Variants in NR1D2 observed in about 807,000 individuals in gnomAD.
NR1D2 encodes V-erbA-related protein 1-related.
Under a neutral mutation model 52.2 loss-of-function variants are expected in NR1D2, and 25 were observed. The observed-to-expected ratio is 0.48, with a 90% CI of 0.35 to 0.67. The LOEUF is 0.67. Ranked by LOEUF, NR1D2 falls within the 30% of genes least tolerant of loss-of-function variation. The pLI is 0.01. For missense variants in NR1D2, 681 were observed against 707.2 expected (o/e 0.96, Z 0.42); for synonymous variants, 259 against 230.1 (o/e 1.13, Z -1.14).
chr3:23,961,656 A>G (rs778065506), intron 4 of NR1D2, among the ~76,000 whole-genome samples: 2 of 151,898 alleles, frequency 1.3e-5, no homozygotes, highest in African/African-American at 2.4e-5. Context: ...TCAGCCTCCC[A>G]AAGTGCTGTG....
chr3:23,963,918 TG>T (rs1161499002), intron 5 of NR1D2, among the ~76,000 whole-genome samples: 22 of 72,874 alleles, frequency 3.0e-4, no homozygotes, highest in African/African-American at 1.6e-3. Context: ...ATCTTTTTGG[TG>T]TTTTTTTTTT....
intron 6 of NR1D2, among the ~76,000 whole-genome samples, chr3:23,966,485 T>C (rs185312274): frequency 3.3e-5 from 5 of 152,346 alleles, no homozygotes. Flanking sequence ...TGTTGCTGCA[T>C]TGGAATTTTG....
rs17857305 is a variant in NR1D2 at position 23,962,303 on chromosome 3, C to G, written c.844C>G (p.Gln282Glu). The change falls in exon 5 of 8, where the codon CAG (glutamine) becomes GAG (glutamate). Residue 282 changes from glutamine to glutamate, a missense_variant. Transcript: ENST00000312521. ...QENSAESMQP[Q>E]RGERIPKNME... ...AAACTCAGCTGAGAGCATGCAGCCC[C>G]AGAGAGGAGAACGGATTCCCAAGAA... 3 of 1,614,032 alleles carry G rather than the reference C, an allele frequency of 1.9e-6. No homozygotes were observed. The African/African-American group carries it at 4.0e-5, about 22-fold the overall frequency.
intron 4 of NR1D2, among the ~76,000 whole-genome samples, chr3:23,961,422 G>GTAT (rs1253758634): frequency 8.9e-6 from 1 of 112,406 alleles, no homozygotes; most frequent in Non-Finnish European, 1.7e-5. Flanking sequence ...TTAAGATGGA[G>GTAT]TATTGCTCTG....
chr3:23,967,884 A>G lies in NR1D2; in HGVS notation c.1404A>G (p.Lys468=), dbSNP rs1356791565. ...CTGTCACCTTTTTAAGTGGAAAGAA[A>G]TATAGTGTGGATGATTTACACTCAA... ...ERTVTFLSGK[K]YSVDDLHSMG... The change falls in exon 7 of 8, where the codon AAA becomes AAG. Residue 468 remains lysine (K), a synonymous_variant. Transcript: ENST00000312521. The G allele has an allele frequency of 6.2e-7, 1 of 1,614,020 alleles. No individual in the cohort carries two copies. Among genetic ancestry groups the G allele is most frequent in the Non-Finnish European group, 8.5e-7 (1 of 1,179,990 alleles).
chr3:23,953,676 A>G (rs1706005947), intron 1 of NR1D2, among the ~76,000 whole-genome samples: 1 of 152,178 alleles, frequency 6.6e-6, no homozygotes, highest in Non-Finnish European at 1.5e-5. Flanking sequence ...TGTGGGAGCA[A>G]GGGCTGTGAA....
chr3:23,963,554 A>G (rs1428046963), intron 5 of NR1D2: 7 of 204,108 alleles, frequency 3.4e-5, no homozygotes, highest in South Asian at 1.7e-4. Flanking sequence ...GGTTCAAGCA[A>G]TTCTCATGCC....
At position 23,961,964 on chromosome 3, in the gene NR1D2, T is replaced by G; in HGVS notation, c.518-13T>G. 1 of 1,566,990 alleles carries G rather than the reference T, an allele frequency of 6.4e-7. No homozygotes were observed. On this transcript the variant is annotated splice_polypyrimidine_tract_variant and intron_variant, in intron 4 of 7. Coordinates refer to ENST00000312521, the MANE Select transcript of NR1D2 (RefSeq NM_005126.5). Reference sequence around the variant, plus strand: ...TTTAGAATATAGACGTTAAATATCTTTTTCTTCAATAGCTGTTCGGTTTGG... The same window carrying G: ...TTTAGAATATAGACGTTAAATATCTGTTTCTTCAATAGCTGTTCGGTTTGG...
intron 1 of NR1D2, among the ~76,000 whole-genome samples, chr3:23,950,872 T>C (rs1343169477): frequency 2.0e-5 from 3 of 151,666 alleles, no homozygotes; most frequent in Non-Finnish European, 4.4e-5. Flanking sequence ...TCTGCATAGC[T>C]CTAATTTCTT....
In NR1D2 at chr3:23,969,288, AAAAAAC is replaced by A. The variant is rs546764563; in HGVS notation, c.1543+1280_1543+1285del. On this transcript the variant is annotated intron_variant, in intron 7 of 7. Transcript: ENST00000312521. ...GGGTGACAGAGCGAGACTCCGTGTT[AAAAAAC>A]AAAAACAAAAACAACAAAAAAAAAA... Among the ~76,000 whole-genome samples the A allele has an allele frequency of 1.4e-3, 213 of 152,142 alleles. 3 individuals carry two copies. The South Asian group carries it at 0.025, about 18-fold the overall frequency.
Position 23,945,500 on chromosome 3 carries a change from GCGCGGCGCTGAGGCGGCGGC to G in NR1D2, c.-78_-59del. ...CCACCGCTGCTTCCAGCCCGGGGCG[GCGCGGCGCTGAGGCGGCGGC>G]GGCGGCGCTGCCCCCTCTGCGGGAA... On this transcript the variant is annotated 5_prime_UTR_variant, in exon 1 of 8. It removes the in-frame stop codon of an upstream open reading frame in the 5' UTR. Transcript: ENST00000312521. The G allele has an allele frequency of 2.2e-6, 2 of 910,298 alleles. No homozygotes were observed. The highest frequency in any genetic ancestry group is 1.9e-5 in the African/African-American group (1 of 53,088). The allele number at this position is 910,298 out of a possible 1,614,324, so 56.4% of individuals were successfully genotyped here.
rs1230001922 is a variant in NR1D2 at position 23,959,710 on chromosome 3, A to G, written c.412A>G (p.Lys138Glu). The G allele has an allele frequency of 1.2e-6, 2 of 1,613,794 alleles. No individual in the cohort carries two copies. Among genetic ancestry groups the G allele is most frequent in the Non-Finnish European group, 1.7e-6 (2 of 1,179,916 alleles). Reference sequence around the variant, plus strand: ...AAGTATTCAACAAAACATCCAGTACAAGAAGTGCCTGAAGAATGAAAACTG... The same window carrying G: ...AAGTATTCAACAAAACATCCAGTACGAGAAGTGCCTGAAGAATGAAAACTG... ...RRSIQQNIQY[K>E]KCLKNENCSI... Residue 138 changes from lysine (K) to glutamate (E), a missense_variant, in exon 4 of 8, where the codon AAG becomes GAG. Around this residue, in one of 3 missense-constraint regions of NR1D2, gnomAD observed 112 missense variants for 162.3 expected, o/e 0.69. Transcript: ENST00000312521.
rs1388074523 is a variant in NR1D2 at position 23,962,326 on chromosome 3, G to A, written c.867G>A (p.Lys289=). The change falls in exon 5 of 8, where the codon AAG becomes AAA. Residue 289 remains lysine (K), a synonymous_variant. Coordinates refer to ENST00000312521, the MANE Select transcript of NR1D2 (RefSeq NM_005126.5). ...CCCAGAGAGGAGAACGGATTCCCAA[G>A]AACATGGAGCAATATAATTTAAATC... ...MQPQRGERIP[K]NMEQYNLNHD... 3 of 1,614,172 alleles carry A rather than the reference G, an allele frequency of 1.9e-6. No homozygotes were observed. In the South Asian group the frequency reaches 3.3e-5, roughly 18 times the overall value.
At position 23,967,860 on chromosome 3, in the gene NR1D2, T is replaced by C. The variant is rs773472807; in HGVS notation, c.1380T>C (p.Thr460=). 3 of 1,614,164 alleles carry C rather than the reference T, an allele frequency of 1.9e-6. No homozygotes were observed. The South Asian group carries it at 3.3e-5, about 18-fold the overall frequency. The change falls in exon 7 of 8, where the codon ACT becomes ACC. Residue 460 remains threonine (T), a synonymous_variant. Coordinates refer to ENST00000312521, the MANE Select transcript of NR1D2 (RefSeq NM_005126.5). ...CATTATTTGATGCAAAGGAACGTACTGTCACCTTTTTAAGTGGAAAGAAAT... is the reference window on the plus strand; with the variant it reads ...CATTATTTGATGCAAAGGAACGTACCGTCACCTTTTTAAGTGGAAAGAAAT... ...FASLFDAKER[T]VTFLSGKKYS...
intron 1 of NR1D2, chr3:23,946,173 C>G (rs1161095465): frequency 2.0e-6 from 2 of 985,132 alleles, no homozygotes; most frequent in South Asian, 4.7e-5. Context: ...CGTGCGCGCC[C>G]GCTGAGCCCC....
At chr3:23,967,377 G>T (rs1345926943) in intron 6 of NR1D2, among the ~76,000 whole-genome samples, 2 of 151,924 alleles carry the variant, frequency 1.3e-5, no homozygotes, top group Non-Finnish European at 2.9e-5. Flanking sequence ...CACTTTGGGA[G>T]GCTGAAGCGG....
At chr3:23,959,632 T>C in intron 3 of NR1D2, 39 bp from the exon 4 acceptor site, 3 of 1,589,990 alleles carry the variant, frequency 1.9e-6, no homozygotes, top group Non-Finnish European at 2.6e-6. Flanking sequence ...TTCATTTGGG[T>C]GTTTTTAAAT....
chr3:23,947,624 G>A (rs1705783372), intron 1 of NR1D2, among the ~76,000 whole-genome samples: 1 of 152,190 alleles, frequency 6.6e-6, no homozygotes, highest in Non-Finnish European at 1.5e-5. Context: ...AGTCAACTAG[G>A]ACCTTTCACG....
chr3:23,946,754 CAA>C (rs1559327768), intron 1 of NR1D2, among the ~76,000 whole-genome samples: 1 of 152,142 alleles, frequency 6.6e-6, no homozygotes, highest in Non-Finnish European at 1.5e-5. Context: ...TGAATCTGAT[CAA>C]GAGAATTTGG....
Sources: allele counts gnomAD v4.1 joint callset (sites outside exome capture counted in the v4.1 genomes callset), GRCh38; gene constraint gnomAD v4.1.1; regional missense constraint gnomAD v4.1.1; transcripts MANE v1.5; gene names NCBI Gene and HGNC (gene_info 2026-07-23, HGNC 2026-07-21).